Variants in RPS6KA2 observed in about 807,000 individuals in gnomAD.
RPS6KA2 encodes ribosomal protein S6 kinase A2, also known as ribosomal protein S6 kinase alpha-2.
Under a neutral mutation model 91.8 loss-of-function variants are expected in RPS6KA2, and 42 were observed. The observed-to-expected ratio is 0.46, with a 90% CI of 0.36 to 0.59. The LOEUF is 0.59. Among genes scored for constraint, RPS6KA2 ranks in the 20% least tolerant of loss-of-function variants. The pLI is 0.00. For missense variants in RPS6KA2, 798 were observed against 978.5 expected (o/e 0.82, Z 2.46); for synonymous variants, 414 against 393.6 (o/e 1.05, Z -0.61).
chr6:166,434,607 G>A lies in RPS6KA2; in HGVS notation c.1333-2117C>T, dbSNP rs902824656. Among the ~76,000 whole-genome samples the A allele has an allele frequency of 6.6e-6, 1 of 152,188 alleles. No individual in the cohort carries two copies. The highest frequency in any genetic ancestry group is 2.4e-5 in the African/African-American group (1 of 41,420). ...GGCCGGGATCCTGTCTTTGCAATTA[G>A]AGAAGGTTAAAATACATTTATAAAT... On this transcript the variant is annotated intron_variant, in intron 14 of 20. Transcript: ENST00000265678. The surrounding 1 kb of genome is among the most constrained non-coding windows in gnomAD (Gnocchi z 4.4).
chr6:166,630,932 C>T (rs1370510242), upstream of RPS6KA2, among the ~76,000 whole-genome samples: 3 of 152,142 alleles, frequency 2.0e-5, no homozygotes, highest in East Asian at 3.9e-4. Flanking sequence ...GGTGGGGGCA[C>T]GTTCGGAGCA....
intron 1 of RPS6KA2, among the ~76,000 whole-genome samples, chr6:166,611,520 T>G (rs1786175418): frequency 6.6e-6 from 1 of 152,240 alleles, no homozygotes; most frequent in Admixed American, 6.5e-5. Context: ...GCAAGCTTCT[T>G]GTACAGAGTG....
intron 2 of RPS6KA2, among the ~76,000 whole-genome samples, chr6:166,816,100 C>T (rs1779752176): frequency 6.6e-6 from 1 of 152,120 alleles, no homozygotes; most frequent in Admixed American, 6.5e-5. Flanking sequence ...TTCTAAAAAG[C>T]AGGTAAGATT....
At position 166,670,333 on chromosome 6, in the gene RPS6KA2, C is replaced by T. The variant is rs147578875; in HGVS notation, c.124-131549G>A. Among the ~76,000 whole-genome samples, 81 of 152,356 alleles carry T rather than the reference C, an allele frequency of 5.3e-4. 1 individual carries two copies. The East Asian group carries it at 0.013, about 24-fold the overall frequency. ...GGAGTGATTCCCCAACGTCATCCTT[C>T]GGATGAGACCACAGCCCTGCCTGAC... On this transcript the variant is annotated intron_variant, in intron 2 of 21. Coordinates refer to the RPS6KA2 transcript ENST00000503859.
intron 2 of RPS6KA2, among the ~76,000 whole-genome samples, chr6:166,785,693 G>T (rs540462166): frequency 7.7e-4 from 118 of 152,348 alleles, no homozygotes; most frequent in African/African-American, 2.8e-3. Context: ...AGCATTTGAA[G>T]TCAGACTTAG....
chr6:166,782,604 G>A (rs920011007), intron 2 of RPS6KA2, among the ~76,000 whole-genome samples: 11 of 152,112 alleles, frequency 7.2e-5, no homozygotes, highest in African/African-American at 2.4e-4. Context: ...GCTGAGTTGG[G>A]CCTCCTCAAG....
intron 1 of RPS6KA2, among the ~76,000 whole-genome samples, chr6:166,547,260 C>T (rs1264878858): frequency 2.0e-5 from 3 of 152,172 alleles, no homozygotes; most frequent in African/African-American, 7.2e-5. Context: ...AATGCTGCAA[C>T]ACCACCGACT....
intron 2 of RPS6KA2, among the ~76,000 whole-genome samples, chr6:166,830,614 G>A (rs1263826381): frequency 6.6e-6 from 1 of 152,182 alleles, no homozygotes; most frequent in Non-Finnish European, 1.5e-5. Context: ...AGAGTTCATG[G>A]ACAATTTCCT....
chr6:166,568,741 T>C (rs1379398336), intron 1 of RPS6KA2, among the ~76,000 whole-genome samples: 2 of 148,944 alleles, frequency 1.3e-5, no homozygotes, highest in African/African-American at 4.9e-5. Flanking sequence ...GGCAGAGCCC[T>C]GCCCTGGAGG....
chr6:166,846,822 C>T lies in RPS6KA2; in HGVS notation c.123+11378G>A, dbSNP rs544773818. 3.0e-4 allele frequency among the ~76,000 whole-genome samples: 46 copies of T among 152,216 alleles called. No individual in the cohort carries two copies. In the South Asian group the frequency reaches 9.5e-3, roughly 32 times the overall value. On this transcript the variant is annotated intron_variant, in intron 2 of 21. Coordinates refer to the RPS6KA2 transcript ENST00000503859. ...AACAAGACAAGGATGCCCACTTTCA[C>T]CACTTCTATTCAACATAGTACTGGA... is the stretch of plus-strand genomic sequence containing the variant.
intron 1 of RPS6KA2, among the ~76,000 whole-genome samples, chr6:166,580,918 T>C (rs1275022835): frequency 6.6e-6 from 1 of 152,174 alleles, no homozygotes; most frequent in East Asian, 1.9e-4. Flanking sequence ...TTTTCTTTTT[T>C]TGAGACGAAG....
At chr6:166,512,263 A>G (rs1347118265) in intron 3 of RPS6KA2, among the ~76,000 whole-genome samples, 1 of 152,222 alleles carries the variant, frequency 6.6e-6, no homozygotes, top group Non-Finnish European at 1.5e-5. Flanking sequence ...AGTTGCCCAG[A>G]GTAGCCAGAA....
chr6:166,556,779 T>C lies in RPS6KA2; in HGVS notation c.100-17995A>G, dbSNP rs552609338. The stretch of plus-strand genomic sequence containing the variant: ...CTGAATCGGGCGTCGTTATTCTAGG[T>C]AGGCCACCCACAGCCTTCCAGTAAG... On this transcript the variant is annotated intron_variant, in intron 1 of 20. Coordinates refer to ENST00000265678, the MANE Select transcript of RPS6KA2 (RefSeq NM_021135.6). Among the ~76,000 whole-genome samples, 21 of 152,300 alleles carry C rather than the reference T, an allele frequency of 1.4e-4. No homozygotes were observed. The East Asian group carries it at 3.9e-3, about 28-fold the overall frequency.
At chr6:166,695,499 T>C (rs1789329776) in intron 2 of RPS6KA2, among the ~76,000 whole-genome samples, 1 of 152,206 alleles carries the variant, frequency 6.6e-6, no homozygotes. Context: ...AAGAATGTAT[T>C]TTTCTGATTA....
chr6:166,528,766 G>A (rs1783153284), intron 3 of RPS6KA2, among the ~76,000 whole-genome samples: 1 of 151,796 alleles, frequency 6.6e-6, no homozygotes, highest in South Asian at 2.1e-4. Flanking sequence ...CAAAGGATAT[G>A]AACAGACACC....
intron 11 of RPS6KA2, among the ~76,000 whole-genome samples, chr6:166,463,921 T>C (rs556902948): frequency 5.7e-4 from 87 of 152,280 alleles, no homozygotes; most frequent in Non-Finnish European, 8.8e-4. Context: ...TTTACCCGGC[T>C]GTAGGTGGGT....
intron 2 of RPS6KA2, among the ~76,000 whole-genome samples, chr6:166,672,770 CCTG>C (rs1788506753): frequency 6.6e-6 from 1 of 152,206 alleles, no homozygotes; most frequent in Admixed American, 6.5e-5. Flanking sequence ...TCCCAGGGAG[CCTG>C]CTGCTTCTGT....
chr6:166,552,825 C>A (rs564070800), intron 1 of RPS6KA2, among the ~76,000 whole-genome samples: 1 of 152,336 alleles, frequency 6.6e-6, no homozygotes, highest in South Asian at 2.1e-4. Flanking sequence ...CAAAAACGAC[C>A]AGCTCTTTTT....
rs1005606118 is a variant in RPS6KA2, at chr6:166,489,056, G to T, written c.819-135C>A. ...CCGTGCTCTACCACGTGGGTCTTAG[G>T]ACCCTTTTATGCTTTAAAAGTTACT... is the stretch of plus-strand genomic sequence containing the variant. On this transcript the variant is annotated intron_variant, in intron 9 of 20. Transcript: ENST00000265678. The T allele has an allele frequency of 6.0e-6, 4 of 661,314 alleles. No homozygotes were observed. The Admixed American group carries it at 9.8e-5, about 16-fold the overall frequency. The allele number at this position is 661,314 out of a possible 1,614,324, so 41.0% of individuals were successfully genotyped here. A position where few individuals can be genotyped will look rare whatever the true frequency, so the allele number is the denominator to read the frequency against.
Sources: gnomAD v4.1 joint callset for allele counts (sites outside exome capture counted in the v4.1 genomes callset) on GRCh38, gnomAD v4.1.1 for gene constraint, Gnocchi (gnomAD v3.1) non-coding constraint, MANE v1.5 for transcripts, NCBI Gene and HGNC (gene_info 2026-07-23, HGNC 2026-07-21) for gene names.